PBX1: variants seen among roughly 807,000 people sequenced by gnomAD.
PBX1 encodes pre-B-cell leukemia transcription factor 1.
In PBX1, 6 loss-of-function variants were observed where a neutral mutation model predicts 53.4. The ratio of observed to expected loss-of-function variants is 0.11; its 90% CI spans 0.06 to 0.22. The LOEUF is 0.22. PBX1 is among the 10% of genes least tolerant of loss of function. The probability of loss-of-function intolerance (pLI) is 1.00; values close to 1 mark genes in which losing one functional copy is unlikely to be tolerated. For synonymous variants in PBX1, 204 were observed against 212.3 expected (o/e 0.96, Z 0.34); for missense variants, 251 against 551.4 (o/e 0.46, Z 5.46).
chr1:164,570,605 C>T lies in PBX1; in HGVS notation c.265+7294C>T, dbSNP rs192346665. Among the ~76,000 whole-genome samples, 49 of 152,272 alleles carry T rather than the reference C, an allele frequency of 3.2e-4. No individual in the cohort carries two copies. In the East Asian group the frequency reaches 9.1e-3, roughly 28 times the overall value. ...GCCACATTTTCTTTATGCAGTCTAT[C>T]ATTGATGGGCATTTTGGTTGGTTCC... On this transcript the variant is annotated intron_variant, in intron 2 of 8. Transcript: ENST00000420696.
intron 2 of PBX1, among the ~76,000 whole-genome samples, chr1:164,721,297 C>T (rs1664393146): frequency 6.6e-6 from 1 of 152,092 alleles, no homozygotes; most frequent in African/African-American, 2.4e-5. Flanking sequence ...AGGCATTTGA[C>T]TGCTGCATAT....
At chr1:164,835,555 G>T (rs2102400247) in intron 8 of PBX1, among the ~76,000 whole-genome samples, 1 of 152,148 alleles carries the variant, frequency 6.6e-6, no homozygotes, top group African/African-American at 2.4e-5. Context: ...TATCCCTTGG[G>T]TTGCTAGTGC....
intron 5 of PBX1, among the ~76,000 whole-genome samples, chr1:164,810,099 C>T (rs190023158): frequency 5.2e-4 from 79 of 152,288 alleles, no homozygotes; most frequent in Middle Eastern, 3.4e-3. Context: ...TTCTCCCCTG[C>T]AGCACCAAAC....
chr1:164,612,413 C>T (rs1656995873), intron 2 of PBX1, among the ~76,000 whole-genome samples: 1 of 152,092 alleles, frequency 6.6e-6, no homozygotes. Context: ...TTCTATGTGA[C>T]CAAGTTTGTC....
intron 2 of PBX1, among the ~76,000 whole-genome samples, chr1:164,708,477 G>A (rs190009563): frequency 6.7e-4 from 102 of 152,146 alleles, no homozygotes; most frequent in Middle Eastern, 6.8e-3. Context: ...TGGGGTTTGG[G>A]CTTCTATTGA....
chr1:164,757,856 C>T (rs949642310), intron 2 of PBX1, among the ~76,000 whole-genome samples: 5 of 152,162 alleles, frequency 3.3e-5, no homozygotes, highest in African/African-American at 1.2e-4. Context: ...GCTATGTTCT[C>T]ATCTTTGGTG....
chr1:164,858,159 C>T (rs1460598033), intron 2 of PBX1, among the ~76,000 whole-genome samples: 2 of 151,994 alleles, frequency 1.3e-5, no homozygotes, highest in Non-Finnish European at 1.5e-5. Context: ...GCCATCATTT[C>T]TTATTCACTT....
intron 2 of PBX1, among the ~76,000 whole-genome samples, chr1:164,565,451 A>ACAC (rs1307947725): frequency 6.6e-6 from 1 of 151,818 alleles, no homozygotes; most frequent in Non-Finnish European, 1.5e-5. Context: ...ACACACACAC[A>ACAC]CAAGTCTTGG....
intron 2 of PBX1, among the ~76,000 whole-genome samples, chr1:164,660,287 C>A (rs1305866410): frequency 6.6e-6 from 1 of 152,104 alleles, no homozygotes; most frequent in East Asian, 1.9e-4. Flanking sequence ...TTGAATGGAG[C>A]CCTTTGGGGA....
At chr1:164,643,771 T>C (rs566858077) in intron 2 of PBX1, among the ~76,000 whole-genome samples, 3 of 152,318 alleles carry the variant, frequency 2.0e-5, no homozygotes, top group African/African-American at 7.2e-5. Flanking sequence ...ATAGATGAAG[T>C]TTGAGAGGCT....
intron 2 of PBX1, among the ~76,000 whole-genome samples, chr1:164,713,229 A>G (rs1663902485): frequency 6.6e-6 from 1 of 152,188 alleles, no homozygotes; most frequent in Non-Finnish European, 1.5e-5. Flanking sequence ...TTCTCTATGT[A>G]GTGATAGAGA....
chr1:164,747,583 G>A (rs913250695), intron 2 of PBX1, among the ~76,000 whole-genome samples: 13 of 152,016 alleles, frequency 8.6e-5, no homozygotes, highest in Non-Finnish European at 1.5e-4. Flanking sequence ...GAATGACCAC[G>A]GGCACACTGG....
intron 2 of PBX1, among the ~76,000 whole-genome samples, chr1:164,701,597 T>G: frequency 6.6e-6 from 1 of 152,202 alleles, no homozygotes; most frequent in Admixed American, 6.5e-5. Flanking sequence ...TATTAGAAAC[T>G]ACCTCTTCCT....
At chr1:164,834,343 T>C (rs892218387) in intron 8 of PBX1, among the ~76,000 whole-genome samples, 4 of 148,564 alleles carry the variant, frequency 2.7e-5, no homozygotes, top group Non-Finnish European at 5.9e-5. Flanking sequence ...CCTATTTTTC[T>C]TTCTTTTTTT....
At chr1:164,772,339 A>C (rs1330632020) in intron 2 of PBX1, among the ~76,000 whole-genome samples, 3 of 152,300 alleles carry the variant, frequency 2.0e-5, no homozygotes, top group East Asian at 3.9e-4. Context: ...CAAAGGTGCA[A>C]CACCGTTTAC....
At chr1:164,769,956 G>C (rs1667280278) in intron 2 of PBX1, 1 of 152,110 alleles carries the variant, frequency 6.6e-6, no homozygotes, top group Non-Finnish European at 1.5e-5. Flanking sequence ...TGAATTCCTG[G>C]TGTAAGCCCA....
chr1:164,820,058 T>C lies in PBX1; in HGVS notation c.998-14T>C. The C allele has an allele frequency of 6.4e-7, 1 of 1,557,302 alleles. No individual in the cohort carries two copies. Among genetic ancestry groups the C allele is most frequent in the Non-Finnish European group, 8.9e-7 (1 of 1,129,256 alleles). ...CCTTTCTGTGATTCAGGTGCCTCAC[T>C]CTTTCCTTTCCAGGTTCTTCCAGTT... On this transcript the variant is annotated splice_polypyrimidine_tract_variant and intron_variant, in intron 6 of 8. Transcript: ENST00000420696.
At chr1:164,638,421 C>T (rs966565996) in intron 2 of PBX1, among the ~76,000 whole-genome samples, 3 of 152,202 alleles carry the variant, frequency 2.0e-5, no homozygotes, top group African/African-American at 4.8e-5. Flanking sequence ...CTCAGTTTCC[C>T]CTTTGAAGAT....
chr1:164,699,939 A>G (rs1294450749), intron 2 of PBX1, among the ~76,000 whole-genome samples: 3 of 152,150 alleles, frequency 2.0e-5, no homozygotes, highest in Non-Finnish European at 4.4e-5. Context: ...TGTTACTGTC[A>G]GAGTGTTAAA....
Sources: gnomAD v4.1 joint callset for allele counts (sites outside exome capture counted in the v4.1 genomes callset) on GRCh38, gnomAD v4.1.1 for gene constraint, MANE v1.5 for transcripts, NCBI Gene and HGNC (gene_info 2026-07-23, HGNC 2026-07-21) for gene names.